Variants in CENPP observed in about 807,000 individuals in gnomAD.
The protein encoded by CENPP is centromere protein P.
A neutral mutation model predicts 35.6 loss-of-function variants in CENPP; 24 were observed. The ratio of observed to expected loss-of-function variants is 0.67; its 90% confidence interval spans 0.49 to 0.95. CENPP has a LOEUF of 0.95. Ranked by LOEUF, CENPP falls within the 40% of genes least tolerant of loss-of-function variation. The pLI is 0.00. For synonymous variants in CENPP, 120 were observed against 125.5 expected (o/e 0.96, Z 0.29); for missense variants, 332 against 345.3 (o/e 0.96, Z 0.31).
At chr9:92,500,204 A>T (rs1259467020) in intron 5 of CENPP, among the ~76,000 whole-genome samples, 1 of 151,886 alleles carries the variant, frequency 6.6e-6, no homozygotes, top group African/African-American at 2.4e-5. Context: ...TTTTTTTGAG[A>T]TGGAGTCTCA....
intron 5 of CENPP, among the ~76,000 whole-genome samples, chr9:92,450,240 C>G (rs1333332466): frequency 8.8e-6 from 1 of 114,280 alleles, no homozygotes; most frequent in Non-Finnish European, 1.7e-5. Flanking sequence ...AGCTATCCCT[C>G]CCCCCTCCCC....
Position 92,337,734 on chromosome 9 carries a change from A to T in CENPP, c.378+105A>T, listed in dbSNP as rs564231242. ...TGATGGAGCTGAAGAGGAGTTCATG[A>T]GCCAGGGCCCCCCCATTCATAGCAC... On this transcript the variant is annotated intron_variant, in intron 3 of 7. Coordinates refer to ENST00000375587, the MANE Select transcript of CENPP (RefSeq NM_001012267.3). 51 of 778,258 alleles carry T rather than the reference A, an allele frequency of 6.6e-5. 1 individual carries two copies. The African/African-American group carries it at 7.8e-4, about 12-fold the overall frequency. The allele number at this position is 778,258 out of a possible 1,614,324, so 48.2% of individuals were successfully genotyped here. A position where few individuals can be genotyped will look rare whatever the true frequency, so the allele number is the denominator to read the frequency against.
chr9:92,457,300 G>A (rs749516419), intron 5 of CENPP: 1 of 1,613,748 alleles, frequency 6.2e-7, no homozygotes, highest in South Asian at 1.1e-5. Context: ...ACATTCCAAA[G>A]TTCCCAAGCT....
intron 5 of CENPP, chr9:92,464,717 TA>T (rs763520685): frequency 2.9e-5 from 20 of 682,940 alleles, no homozygotes; most frequent in East Asian, 5.6e-5. Context: ...CTTAGTGGAG[TA>T]AAAAAAATTG....
At chr9:92,395,603 G>T (rs1203487483) in intron 5 of CENPP, among the ~76,000 whole-genome samples, 1 of 152,128 alleles carries the variant, frequency 6.6e-6, no homozygotes, top group Admixed American at 6.6e-5. Context: ...TTTTCCAAAG[G>T]ACTGTGCCAT....
intron 5 of CENPP, among the ~76,000 whole-genome samples, chr9:92,440,681 AGT>A (rs1844363292): frequency 6.6e-6 from 1 of 152,354 alleles, no homozygotes; most frequent in East Asian, 1.9e-4. Flanking sequence ...AAACTGCGAA[AGT>A]TATGACCACA....
At chr9:92,578,114 A>G (rs1292370689) in intron 5 of CENPP, among the ~76,000 whole-genome samples, 2 of 151,920 alleles carry the variant, frequency 1.3e-5, no homozygotes, top group Non-Finnish European at 2.9e-5. Context: ...CCATGTCCCT[A>G]CAAAGGACAT....
intron 5 of CENPP, among the ~76,000 whole-genome samples, chr9:92,438,851 G>T (rs891263459): frequency 1.3e-5 from 2 of 152,252 alleles, no homozygotes; most frequent in Admixed American, 1.3e-4. Context: ...TGCTTGGGAG[G>T]CTGAGGCAGG....
At chr9:92,336,118 A>G (rs1420069505) in intron 2 of CENPP, among the ~76,000 whole-genome samples, 1 of 152,194 alleles carries the variant, frequency 6.6e-6, no homozygotes, top group East Asian at 1.9e-4. Flanking sequence ...CTTACGACAT[A>G]GACATATTTG....
chr9:92,352,523 ATATATATATAT>A (rs1841489804), intron 4 of CENPP, among the ~76,000 whole-genome samples: 1 of 115,068 alleles, frequency 8.7e-6, no homozygotes, highest in African/African-American at 4.3e-5. Flanking sequence ...ATATATATAT[ATATATATATAT>A]ATATAATATA....
chr9:92,357,192 C>CT (rs567091851), intron 4 of CENPP, among the ~76,000 whole-genome samples: 94 of 149,784 alleles, frequency 6.3e-4, no homozygotes, highest in Middle Eastern at 3.5e-3. Flanking sequence ...TTTATTGAGT[C>CT]TTTTTTTTTG....
intron 5 of CENPP, chr9:92,403,418 A>G: frequency 6.3e-7 from 1 of 1,592,832 alleles, no homozygotes. Context: ...TTTAGCAAAA[A>G]TCAAGGTGAC....
At chr9:92,334,304 A>G (rs1475630422) in intron 2 of CENPP, among the ~76,000 whole-genome samples, 1 of 152,056 alleles carries the variant, frequency 6.6e-6, no homozygotes, top group Non-Finnish European at 1.5e-5. Context: ...TATTTTTAGT[A>G]GTGACGGGGT....
At position 92,403,142 on chromosome 9, in the gene CENPP, C is replaced by A. The variant is rs953998758; in HGVS notation, c.564+23283C>A. 9 of 778,832 alleles carry A rather than the reference C, an allele frequency of 1.2e-5. No individual in the cohort carries two copies. The African/African-American group carries it at 1.4e-4, about 12-fold the overall frequency. 48.2% of individuals were successfully genotyped at this position (778,832 alleles called of 1,614,324 possible). ...ATCATTTAAAGTGATTTTCCCTTCC[C>A]CTTACCTTATCAGACACATTCAGGA... On this transcript the variant is annotated intron_variant, in intron 5 of 7. Transcript: ENST00000375587.
intron 5 of CENPP, among the ~76,000 whole-genome samples, chr9:92,461,573 G>C (rs1450362544): frequency 1.3e-5 from 2 of 152,068 alleles, no homozygotes; most frequent in Admixed American, 1.3e-4. Context: ...CATTTATCAG[G>C]ATCCTTTAAC....
intron 5 of CENPP, among the ~76,000 whole-genome samples, chr9:92,488,553 A>G (rs1011693592): frequency 1.4e-4 from 22 of 152,208 alleles, no homozygotes; most frequent in African/African-American, 5.3e-4. Context: ...TCCATCCTTC[A>G]AATAGTTAAG....
chr9:92,573,985 G>C (rs1850217108), intron 5 of CENPP, among the ~76,000 whole-genome samples: 1 of 152,108 alleles, frequency 6.6e-6, no homozygotes, highest in Non-Finnish European at 1.5e-5. Context: ...CGATTTTCCA[G>C]GTACCATCTG....
rs891123750 is a variant in CENPP, at chr9:92,354,448, G to A, written c.467+8661G>A. ...CATGGCCACTTTACTTTGTTCATGG[G>A]CCCATTGAGCAATGATAGGGGTGGC... On this transcript the variant is annotated intron_variant, in intron 4 of 7. Transcript: ENST00000375587. 2.6e-5 allele frequency among the ~76,000 whole-genome samples: 4 copies of A among 152,302 alleles called. No individual in the cohort carries two copies. In the East Asian group the frequency reaches 5.8e-4, roughly 22 times the overall value.
chr9:92,329,398 C>A (rs1840669792), intron 1 of CENPP, among the ~76,000 whole-genome samples: 1 of 152,086 alleles, frequency 6.6e-6, no homozygotes, highest in Non-Finnish European at 1.5e-5. Flanking sequence ...GTTGGGCAGT[C>A]TGGTCTCGAA....
Sources: gnomAD v4.1 joint callset for allele counts (sites outside exome capture counted in the v4.1 genomes callset) on GRCh38, gnomAD v4.1.1 for gene constraint, MANE v1.5 for transcripts, NCBI Gene and HGNC (gene_info 2026-07-23, HGNC 2026-07-21) for gene names.